TANC2: variants seen among roughly 807,000 people sequenced by gnomAD.
TANC2 encodes protein TANC2.
In TANC2, 26 loss-of-function variants were observed where a neutral mutation model predicts 210.5. The observed-to-expected ratio is 0.12, with a 90% CI of 0.09 to 0.17. The LOEUF (loss-of-function observed/expected upper bound fraction) is 0.17, where lower values mean the gene tolerates loss of function less well. TANC2 is among the 10% of genes least tolerant of loss of function. The probability of loss-of-function intolerance (pLI) is 1.00; values close to 1 mark genes in which losing one functional copy is unlikely to be tolerated. For missense variants in TANC2, 2,129 were observed against 2,608.9 expected (o/e 0.82, Z 4.01); for synonymous variants, 931 against 967.1 (o/e 0.96, Z 0.69).
chr17:63,106,813 G>GT (rs541936274), intron 4 of TANC2, among the ~76,000 whole-genome samples: 6 of 151,466 alleles, frequency 4.0e-5, no homozygotes, highest in South Asian at 2.1e-4. Context: ...TAATTTTCTA[G>GT]TTTTTTTTCT....
chr17:63,078,563 A>G (rs1484513901), intron 3 of TANC2, among the ~76,000 whole-genome samples: 3 of 152,120 alleles, frequency 2.0e-5, no homozygotes, highest in African/African-American at 7.2e-5. Flanking sequence ...ATTTCTGTTT[A>G]CTGCTTTAGT....
intron 1 of TANC2, among the ~76,000 whole-genome samples, chr17:62,981,501 C>T (rs1278966524): frequency 6.6e-6 from 1 of 152,140 alleles, no homozygotes; most frequent in African/African-American, 2.4e-5. Context: ...CTTCTTTCTT[C>T]CCTGAAAGTC....
chr17:63,083,092 T>A (rs760663302), intron 3 of TANC2, among the ~76,000 whole-genome samples: 5 of 152,148 alleles, frequency 3.3e-5, no homozygotes, highest in Non-Finnish European at 7.4e-5. Context: ...AAATGGACAA[T>A]CAGGCCCTGC....
At chr17:63,200,709 C>A in intron 6 of TANC2, 62 bp from the exon 7 acceptor site, 1 of 1,375,386 alleles carries the variant, frequency 7.3e-7, no homozygotes, top group Non-Finnish European at 9.9e-7. Flanking sequence ...TTTATTTTAT[C>A]TTAAAATATA....
At chr17:63,130,661 A>T (rs2038885288) in intron 4 of TANC2, among the ~76,000 whole-genome samples, 1 of 152,178 alleles carries the variant, frequency 6.6e-6, no homozygotes, top group Non-Finnish European at 1.5e-5. Flanking sequence ...TCTAACCTAA[A>T]CTTTATTATA....
chr17:63,062,525 CT>C (rs1336318892), intron 2 of TANC2, among the ~76,000 whole-genome samples: 6 of 152,146 alleles, frequency 3.9e-5, no homozygotes, highest in African/African-American at 1.4e-4. Flanking sequence ...CTCATTTGTT[CT>C]TAGAGTGGGC....
At chr17:63,011,630 C>A (rs1371019635) in intron 2 of TANC2, among the ~76,000 whole-genome samples, 2 of 152,116 alleles carry the variant, frequency 1.3e-5, no homozygotes, top group Non-Finnish European at 2.9e-5. Flanking sequence ...AGGATTGTTA[C>A]ATGTTCCTGG....
At chr17:63,063,294 G>A (rs1365942665) in intron 2 of TANC2, among the ~76,000 whole-genome samples, 5 of 152,094 alleles carry the variant, frequency 3.3e-5, no homozygotes, top group Non-Finnish European at 7.4e-5. Context: ...TTTTTATGGC[G>A]GCTTCGTCAC....
intron 4 of TANC2, among the ~76,000 whole-genome samples, chr17:63,120,192 T>C (rs776535634): frequency 2.0e-5 from 3 of 152,204 alleles, no homozygotes; most frequent in African/African-American, 4.8e-5. Context: ...TTTGGGATCT[T>C]ATTATATATT....
At chr17:63,197,711 G>A (rs1474452883) in intron 6 of TANC2, 1 of 152,124 alleles carries the variant, frequency 6.6e-6, no homozygotes, top group Non-Finnish European at 1.5e-5. Context: ...GTATTTGTAG[G>A]ACCTTTAAGA....
At chr17:63,101,545 C>T (rs1046815251) in intron 4 of TANC2, among the ~76,000 whole-genome samples, 3 of 152,158 alleles carry the variant, frequency 2.0e-5, no homozygotes, top group Admixed American at 1.3e-4. Flanking sequence ...GTGCTTTTTA[C>T]TTAATCATTC....
At chr17:63,239,360 G>C (rs1451485916) in intron 8 of TANC2, among the ~76,000 whole-genome samples, 2 of 152,128 alleles carry the variant, frequency 1.3e-5, no homozygotes, top group African/African-American at 4.8e-5. Flanking sequence ...ACTTTGTCCA[G>C]ACTATAAAAT....
intron 4 of TANC2, among the ~76,000 whole-genome samples, chr17:63,100,749 C>G (rs2037590557): frequency 6.6e-6 from 1 of 152,086 alleles, no homozygotes; most frequent in Middle Eastern, 3.2e-3. Context: ...CTTTCCTATC[C>G]CATTTGCCTA....
At chr17:63,215,229 T>C (rs1247675356) in intron 7 of TANC2, among the ~76,000 whole-genome samples, 1 of 152,236 alleles carries the variant, frequency 6.6e-6, no homozygotes, top group Non-Finnish European at 1.5e-5. Flanking sequence ...AGCATTCATC[T>C]CTCAGTAGCT....
chr17:63,367,703 G>A (rs1312996412), intron 14 of TANC2, among the ~76,000 whole-genome samples: 1 of 152,164 alleles, frequency 6.6e-6, no homozygotes, highest in Non-Finnish European at 1.5e-5. Context: ...AAAAGGTAAT[G>A]GCAGTAACAG....
chr17:63,141,797 A>T (rs1426521855), intron 4 of TANC2, among the ~76,000 whole-genome samples: 3 of 151,966 alleles, frequency 2.0e-5, no homozygotes, highest in Non-Finnish European at 2.9e-5. Flanking sequence ...TACTCATTTT[A>T]AAAAAAATTG....
At chr17:63,062,897 C>G (rs2036046370) in intron 2 of TANC2, among the ~76,000 whole-genome samples, 2 of 152,026 alleles carry the variant, frequency 1.3e-5, no homozygotes, top group South Asian at 4.1e-4. Flanking sequence ...ATCAGGTGTC[C>G]TATAATTCAA....
intron 11 of TANC2, among the ~76,000 whole-genome samples, chr17:63,327,820 A>G (rs758764739): frequency 2.6e-5 from 4 of 152,138 alleles, no homozygotes; most frequent in Non-Finnish European, 5.9e-5. Context: ...CATGTGCACA[A>G]TGTGCAGGTT....
At chr17:63,401,743 A>G (rs543421302) in intron 19 of TANC2, among the ~76,000 whole-genome samples, 142 of 152,286 alleles carry the variant, frequency 9.3e-4, no homozygotes, top group African/African-American at 3.3e-3. Context: ...AAGATTGTTC[A>G]CCACACCCTC....
Sources: allele counts gnomAD v4.1 joint callset (sites outside exome capture counted in the v4.1 genomes callset), GRCh38; gene constraint gnomAD v4.1.1; transcripts MANE v1.5; gene names NCBI Gene and HGNC (gene_info 2026-07-23, HGNC 2026-07-21).